Variants in GTF3C3 observed in about 807,000 individuals in gnomAD.
GTF3C3 encodes the protein general transcription factor 3C polypeptide 3.
Under a neutral mutation model 105.2 loss-of-function variants are expected in GTF3C3, and 75 were observed. The observed-to-expected ratio is 0.71, with a 90% CI of 0.59 to 0.86. The LOEUF is 0.86. Ranked by LOEUF, GTF3C3 falls within the 40% of genes least tolerant of loss-of-function variation. The probability of loss-of-function intolerance (pLI) is 0.00; values close to 1 mark genes in which losing one functional copy is unlikely to be tolerated. For synonymous variants in GTF3C3, 335 were observed against 370.4 expected, an observed-to-expected ratio of 0.90 and a Z score of 1.10; for missense variants, 856 against 1,076.5, an observed-to-expected ratio of 0.80 and a Z score of 2.87.
rs1038264610 is a variant in GTF3C3 at position 196,786,250 on chromosome 2, A to G, written c.894-662T>C. 6.6e-6 allele frequency among the ~76,000 whole-genome samples: 1 copy of G among 152,140 alleles called. No individual in the cohort carries two copies. Among genetic ancestry groups the G allele is most frequent in the Non-Finnish European group, 1.5e-5 (1 of 68,028 alleles). ...AAAAACGCATATTCGGATCCAGTAG[A>G]GCTGGGGCAGGCCTGAGATCCTGCA... On this transcript the variant is annotated intron_variant, in intron 6 of 17. Coordinates refer to ENST00000263956, the MANE Select transcript of GTF3C3 (RefSeq NM_012086.5). This position sits in a 1 kb window ranked among gnomAD's most constrained non-coding sequence, Gnocchi z 4.2.
Position 196,799,680 on chromosome 2 carries a change from A to C in GTF3C3, c.-69T>G. 8.8e-7 allele frequency: 1 copy of C among 1,134,582 alleles called. No individual in the cohort carries two copies. Among genetic ancestry groups the C allele is most frequent in the Non-Finnish European group, 1.3e-6 (1 of 749,454 alleles). The allele number at this position is 1,134,582 out of a possible 1,614,324, so 70.3% of individuals were successfully genotyped here. On this transcript the variant is annotated 5_prime_UTR_variant, in exon 1 of 18. Transcript: ENST00000263956. The stretch of plus-strand genomic sequence containing the variant: ...AACCGGAAGAGCAGCGCCTTCCAGA[A>C]GCTACCTCGCCGGGGCCAGCAAGAG...
intron 10 of GTF3C3, chr2:196,778,433 A>C (rs1019763967): frequency 3.9e-5 from 6 of 153,690 alleles, no homozygotes; most frequent in African/African-American, 1.4e-4. Context: ...TAAATGATTC[A>C]CTGCAGATTA....
intron 1 of GTF3C3, chr2:196,799,233 A>G (rs1339676747): frequency 1.7e-5 from 6 of 349,624 alleles, no homozygotes; most frequent in Middle Eastern, 8.6e-4. Context: ...CCTCCCATTT[A>G]ACTTACCAGC....
rs1267794373 is a variant in GTF3C3 at position 196,775,127 on chromosome 2, C to A, written c.1820G>T (p.Cys607Phe). Residue 607 changes from cysteine (C) to phenylalanine (F), a missense_variant, in exon 13 of 18, where the codon TGT becomes TTT. Coordinates refer to ENST00000263956, the MANE Select transcript of GTF3C3 (RefSeq NM_012086.5). Reference sequence around the variant, plus strand: ...AATGAAGTTATTACCTTTTGCATCACAATTTGCTGACTCTTGGTCATTGCT... The same window carrying A: ...AATGAAGTTATTACCTTTTGCATCAAAATTTGCTGACTCTTGGTCATTGCT... ...SDSNDQESAN[C>F]DAKAIFAVLT... 6.2e-7 allele frequency: 1 copy of A among 1,612,186 alleles called. No individual in the cohort carries two copies. The highest frequency in any genetic ancestry group is 1.7e-5 in the Admixed American group (1 of 59,730).
At chr2:196,794,797 C>T (rs1277257455) in intron 2 of GTF3C3, among the ~76,000 whole-genome samples, 2 of 151,636 alleles carry the variant, frequency 1.3e-5, no homozygotes, top group African/African-American at 2.4e-5. Flanking sequence ...TGCAGTGGCA[C>T]GATCTCAGCT....
rs1422377157 is a variant in GTF3C3 at position 196,786,896 on chromosome 2, T to C, written c.894-1308A>G. ...TTCTCAGTGCTCATTTTACGTGATCTATCTGCAATATCTCACACAGATGAT... is the reference window on the plus strand; with the variant it reads ...TTCTCAGTGCTCATTTTACGTGATCCATCTGCAATATCTCACACAGATGAT... On this transcript the variant is annotated intron_variant, in intron 6 of 17. Transcript: ENST00000263956. The surrounding 1 kb of genome is among the most constrained non-coding windows in gnomAD (Gnocchi z 4.2). Among the ~76,000 whole-genome samples, 2 of 152,184 alleles carry C rather than the reference T, an allele frequency of 1.3e-5. No individual in the cohort carries two copies. Among genetic ancestry groups the C allele is most frequent in the Non-Finnish European group, 2.9e-5 (2 of 68,020 alleles).
chr2:196,776,465 G>A lies in GTF3C3; in HGVS notation c.1555C>T (p.Pro519Ser). Reference sequence around the variant, plus strand: ...TTTGCATCCTGTGCTAAAGTATCTGGATCATACATTGGTTCCAGAGCTTCC... The same window carrying A: ...TTTGCATCCTGTGCTAAAGTATCTGAATCATACATTGGTTCCAGAGCTTCC... ...ALEALEPMYD[P>S]DTLAQDANAA... Residue 519 changes from proline to serine, a missense_variant, in exon 11 of 18, where the codon CCA becomes TCA. Physicochemically the swap from Pro to Ser is moderately conservative, Grantham distance 74. Around this residue, in one of 3 missense-constraint regions of GTF3C3, gnomAD observed 605 missense variants for 833.6 expected, o/e 0.73. Transcript: ENST00000263956. The surrounding 1 kb of genome is among the most constrained non-coding windows in gnomAD (Gnocchi z 4.5). 1 of 1,614,142 alleles carries A rather than the reference G, an allele frequency of 6.2e-7. No homozygotes were observed. Among genetic ancestry groups the A allele is most frequent in the South Asian group, 1.1e-5 (1 of 91,084 alleles).
At position 196,763,228 on chromosome 2, in the gene GTF3C3, A is replaced by G. The variant is rs753331343; in HGVS notation, c.*1335T>C. Reference sequence around the variant, plus strand: ...TTTAAAAGCTAAACAAAACTATACAATATCAGCTGGTTTTTTTTTCCCTTA... The same window carrying G: ...TTTAAAAGCTAAACAAAACTATACAGTATCAGCTGGTTTTTTTTTCCCTTA... On this transcript the variant is annotated 3_prime_UTR_variant, in exon 18 of 18. Transcript: ENST00000263956. 3.9e-5 allele frequency: 6 copies of G among 152,144 alleles called. No individual in the cohort carries two copies. The highest frequency in any genetic ancestry group is 3.9e-4 in the East Asian group (2 of 5,188). 9.4% of individuals were successfully genotyped at this position (152,144 alleles called of 1,614,324 possible). A position where few individuals can be genotyped will look rare whatever the true frequency, so the allele number is the denominator to read the frequency against.
rs1699010473 is a variant in GTF3C3, at chr2:196,763,753, C to G, written c.*810G>C. The G allele has an allele frequency of 6.6e-6, 1 of 152,010 alleles. No homozygotes were observed. Among genetic ancestry groups the G allele is most frequent in the South Asian group, 2.1e-4 (1 of 4,824 alleles). The allele number at this position is 152,010 out of a possible 1,614,324, so 9.4% of individuals were successfully genotyped here. A position where few individuals can be genotyped will look rare whatever the true frequency, so the allele number is the denominator to read the frequency against. ...CTAAAAAGTACTGTTAACTTAAATT[C>G]AAGAACATATAATAAATAGTGGAGA... On this transcript the variant is annotated 3_prime_UTR_variant, in exon 18 of 18. Transcript: ENST00000263956.
chr2:196,799,217 TC>T (rs1204596913), intron 1 of GTF3C3: 1 of 303,610 alleles, frequency 3.3e-6, no homozygotes, highest in African/African-American at 2.2e-5. Flanking sequence ...CAAACTCTTC[TC>T]CCCACCTCCC....
At chr2:196,798,919 ATTACTT>A (rs373446442) in intron 1 of GTF3C3, among the ~76,000 whole-genome samples, 2 of 152,060 alleles carry the variant, frequency 1.3e-5, no homozygotes, top group African/African-American at 4.8e-5. Flanking sequence ...AAAAGGTTGC[ATTACTT>A]TTATTTTCTC....
rs936547316 is a variant in GTF3C3, at chr2:196,786,858, C to T, written c.894-1270G>A. On this transcript the variant is annotated intron_variant, in intron 6 of 17. Coordinates refer to ENST00000263956, the MANE Select transcript of GTF3C3 (RefSeq NM_012086.5). This position sits in a 1 kb window ranked among gnomAD's most constrained non-coding sequence, Gnocchi z 4.2. The stretch of plus-strand genomic sequence containing the variant: ...GCCAATATTTCCAATCTCCTTGTTA[C>T]TAAATCTGTCAATTCTCAGTGCTCA... Among the ~76,000 whole-genome samples, 2 of 152,112 alleles carry T rather than the reference C, an allele frequency of 1.3e-5. No individual in the cohort carries two copies. The highest frequency in any genetic ancestry group is 4.8e-5 in the African/African-American group (2 of 41,404).
chr2:196,787,590 A>C (rs961036705), intron 6 of GTF3C3, among the ~76,000 whole-genome samples: 1 of 152,188 alleles, frequency 6.6e-6, no homozygotes, highest in Non-Finnish European at 1.5e-5. Context: ...CATAATACAG[A>C]GAATTATGTC....
At chr2:196,783,470 C>T (rs1053455595) in intron 8 of GTF3C3, among the ~76,000 whole-genome samples, 2 of 152,130 alleles carry the variant, frequency 1.3e-5, no homozygotes, top group Admixed American at 6.5e-5. Flanking sequence ...GGCCTTGGCT[C>T]GTGCCTAAGC....
intron 6 of GTF3C3, 132 bp from the exon 7 acceptor site, chr2:196,785,720 T>G: frequency 1.6e-6 from 1 of 607,890 alleles, no homozygotes; most frequent in East Asian, 2.8e-5. Context: ...TGTATTTCCT[T>G]AAAATCGTAA....
At chr2:196,783,053 A>T (rs902873385) in intron 8 of GTF3C3, among the ~76,000 whole-genome samples, 2 of 152,176 alleles carry the variant, frequency 1.3e-5, no homozygotes, top group African/African-American at 4.8e-5. Flanking sequence ...CTCATTTTTT[A>T]AAATGCATAC....
intron 12 of GTF3C3, among the ~76,000 whole-genome samples, chr2:196,775,615 A>T (rs759604788): frequency 2.6e-5 from 4 of 152,230 alleles, no homozygotes; most frequent in Non-Finnish European, 5.9e-5. Flanking sequence ...AATTCACGTT[A>T]ACATTATAAC....
intron 7 of GTF3C3, 129 bp from the exon 8 acceptor site, chr2:196,785,058 A>C: frequency 1.6e-6 from 1 of 629,758 alleles, no homozygotes; most frequent in Non-Finnish European, 2.7e-6. Context: ...AGAGTCTTTT[A>C]AAAATGAGAA....
In GTF3C3 at chr2:196,764,662, G is replaced by A; in HGVS notation, c.2562C>T (p.Asp854=). 6.2e-7 allele frequency: 1 copy of A among 1,611,766 alleles called. No individual in the cohort carries two copies. The highest frequency in any genetic ancestry group is 8.5e-7 in the Non-Finnish European group (1 of 1,177,902). Residue 854 remains aspartate (D), a synonymous_variant, in exon 18 of 18, where the codon GAC becomes GAT. Coordinates refer to ENST00000263956, the MANE Select transcript of GTF3C3 (RefSeq NM_012086.5). ...AGTTGTAGGCAATATCTCTTCGTAAGTCTAACTGGTCAAGTTCTATACCCT... is the reference window on the plus strand; with the variant it reads ...AGTTGTAGGCAATATCTCTTCGTAAATCTAACTGGTCAAGTTCTATACCCT... ...VVEGIELDQL[D]LRRDIAYNLS...
Sources: gnomAD v4.1 joint callset for allele counts (sites outside exome capture counted in the v4.1 genomes callset) on GRCh38, gnomAD v4.1.1 for gene constraint, gnomAD v4.1.1 regional missense constraint, Gnocchi (gnomAD v3.1) non-coding constraint, MANE v1.5 for transcripts, NCBI Gene and HGNC (gene_info 2026-07-23, HGNC 2026-07-21) for gene names.